The following TAF3 variants were observed in gnomAD, a reference collection of about 807,000 sequenced individuals.
TAF3 encodes TATA-box binding protein associated factor 3.
In TAF3, 7 loss-of-function variants were observed where a neutral mutation model predicts 80.6. The observed-to-expected ratio is 0.09, with a 90% confidence interval of 0.05 to 0.16. The LOEUF (loss-of-function observed/expected upper bound fraction) is 0.16, where lower values mean the gene tolerates loss of function less well. Ranked by LOEUF, TAF3 falls within the 10% of genes least tolerant of loss-of-function variation. TAF3 has a pLI of 1.00. For synonymous variants in TAF3, 444 were observed against 446.1 expected (o/e 1.00, Z 0.06); for missense variants, 921 against 1,140.2 (o/e 0.81, Z 2.77).
At chr10:7,899,714 TATATG>T (rs2131170164) in intron 2 of TAF3, among the ~76,000 whole-genome samples, 1 of 152,346 alleles carries the variant, frequency 6.6e-6, no homozygotes, top group South Asian at 2.1e-4. Context: ...ATGATTTATG[TATATG>T]ATAGACTATT....
intron 2 of TAF3, among the ~76,000 whole-genome samples, chr10:7,955,464 C>T (rs944857571): frequency 1.3e-5 from 2 of 152,078 alleles, no homozygotes; most frequent in Non-Finnish European, 2.9e-5. Flanking sequence ...TTTTGTTGTT[C>T]CTTTGCTTAA....
intron 2 of TAF3, among the ~76,000 whole-genome samples, chr10:7,952,004 C>G (rs575018426): frequency 2.0e-5 from 3 of 152,282 alleles, no homozygotes; most frequent in Admixed American, 2.0e-4. Context: ...TTAGTTTCAT[C>G]CCTACAGAAC....
intron 2 of TAF3, among the ~76,000 whole-genome samples, chr10:7,894,478 T>C (rs375031460): frequency 2.0e-5 from 3 of 152,240 alleles, no homozygotes; most frequent in Non-Finnish European, 4.4e-5. Flanking sequence ...TGTAGTGTGA[T>C]GCGTCAGTGA....
At chr10:7,958,700 G>A (rs1588566239) in intron 2 of TAF3, among the ~76,000 whole-genome samples, 1 of 152,196 alleles carries the variant, frequency 6.6e-6, no homozygotes, top group African/African-American at 2.4e-5. Context: ...TGAAGCAGGC[G>A]ATGGCCTCGC....
chr10:7,911,131 C>G (rs1837653389), intron 2 of TAF3, among the ~76,000 whole-genome samples: 1 of 152,144 alleles, frequency 6.6e-6, no homozygotes. Flanking sequence ...CTATCTAGAT[C>G]TTTTAAAGAA....
intron 4 of TAF3, among the ~76,000 whole-genome samples, chr10:8,001,774 A>G (rs903520895): frequency 1.3e-5 from 2 of 152,114 alleles, no homozygotes; most frequent in African/African-American, 4.8e-5. Flanking sequence ...ATTTTGAGGG[A>G]TTTTTTTAAT....
intron 2 of TAF3, among the ~76,000 whole-genome samples, chr10:7,849,920 G>T (rs185273930): frequency 1.3e-5 from 2 of 152,090 alleles, no homozygotes; most frequent in Non-Finnish European, 2.9e-5. Context: ...AGCTCGGGCA[G>T]TCTACTCACC....
In TAF3 at chr10:8,009,065, CT is replaced by C. The variant is rs1382914528; in HGVS notation, c.2316-9del. The C allele has an allele frequency of 1.3e-6, 2 of 1,595,898 alleles. No homozygotes were observed. The highest frequency in any genetic ancestry group is 8.5e-7 in the Non-Finnish European group (1 of 1,171,620). On this transcript the variant is annotated splice_polypyrimidine_tract_variant and intron_variant, in intron 4 of 6. Transcript: ENST00000344293. The surrounding 1 kb of genome is among the most constrained non-coding windows in gnomAD (Gnocchi z 4.1). ...CCTGTTTTGACTTTTACCTTCTCTT[CT>C]TTTGTTGACAGTGTCATCAGCAAGG...
chr10:7,863,710 TATATATATACAC>T (rs1230133067), intron 2 of TAF3, among the ~76,000 whole-genome samples: 3 of 105,582 alleles, frequency 2.8e-5, no homozygotes, highest in Admixed American at 1.2e-4. Context: ...TATATACACA[TATATATATACAC>T]ATATATATAT....
At chr10:7,827,399 G>T (rs1836752540) in intron 2 of TAF3, among the ~76,000 whole-genome samples, 2 of 152,080 alleles carry the variant, frequency 1.3e-5, no homozygotes, top group Non-Finnish European at 2.9e-5. Flanking sequence ...GGCCAGGTGT[G>T]ATGGCTTATG....
chr10:7,966,104 T>C (rs35136024), intron 3 of TAF3, among the ~76,000 whole-genome samples: 7,952 of 152,266 alleles, frequency 0.052, 262 homozygotes, highest in Middle Eastern at 0.088. Context: ...TTTGCACCCA[T>C]ATATTGAGAA....
chr10:7,863,626 A>AAAAAAATAT lies in TAF3; in HGVS notation c.409+39067_409+39068insAAAAATATA, dbSNP rs1218836662. Among the ~76,000 whole-genome samples the AAAAAAATAT allele has an allele frequency of 1.5e-4, 7 of 48,098 alleles. 1 individual carries two copies. The highest frequency in any genetic ancestry group is 1.5e-4 in the African/African-American group (2 of 12,912). 31.6% of individuals were successfully genotyped at this position (48,098 alleles called of 152,430 possible). A position where few individuals can be genotyped will look rare whatever the true frequency, so the allele number is the denominator to read the frequency against. On this transcript the variant is annotated intron_variant, in intron 2 of 6. Transcript: ENST00000344293. ...CTCTGTCTAAAAAAAAAAAAAAAAA[A>AAAAAAATAT]ATATATATATATATATATATACACA... is the stretch of plus-strand genomic sequence containing the variant.
At chr10:7,927,324 C>T (rs1286996683) in intron 2 of TAF3, among the ~76,000 whole-genome samples, 3 of 152,190 alleles carry the variant, frequency 2.0e-5, no homozygotes, top group Non-Finnish European at 4.4e-5. Flanking sequence ...CCTTTTTCTA[C>T]GTGTTTTTCT....
rs74407628 is a variant in TAF3 at position 7,986,123 on chromosome 10, T to C, written c.2315+8800T>C. Among the ~76,000 whole-genome samples the C allele has an allele frequency of 1.1e-4, 17 of 152,276 alleles. No individual in the cohort carries two copies. In the East Asian group the frequency reaches 3.3e-3, roughly 29 times the overall value. ...ACCATGGATTCCTTTTGTTTTTCTT[T>C]TATGGACTTATTTTTTTTCCCCCTT... On this transcript the variant is annotated intron_variant, in intron 4 of 6. Transcript: ENST00000344293.
intron 2 of TAF3, among the ~76,000 whole-genome samples, chr10:7,917,366 C>G (rs1837721057): frequency 6.6e-6 from 1 of 152,122 alleles, no homozygotes; most frequent in Admixed American, 6.5e-5. Context: ...CGAGGAACAG[C>G]AAGTATAGAT....
At position 8,012,110 on chromosome 10, in the gene TAF3, C is replaced by A. The variant is rs1588351138; in HGVS notation, c.2569-1621C>A. On this transcript the variant is annotated intron_variant, in intron 5 of 6. Coordinates refer to ENST00000344293, the MANE Select transcript of TAF3 (RefSeq NM_031923.4). ...GAAGATCACCTGAGCCTACCGAGGT[C>A]AAGGCTACAGTGAGCCATGATCACA... Among the ~76,000 whole-genome samples the A allele has an allele frequency of 2.6e-5, 4 of 152,180 alleles. No individual in the cohort carries two copies. In the East Asian group the frequency reaches 7.7e-4, roughly 29 times the overall value.
At chr10:7,859,839 T>C (rs999764649) in intron 2 of TAF3, among the ~76,000 whole-genome samples, 2 of 152,220 alleles carry the variant, frequency 1.3e-5, no homozygotes, top group African/African-American at 2.4e-5. Context: ...ACTTAGTAAA[T>C]GTTGGACAAA....
intron 2 of TAF3, among the ~76,000 whole-genome samples, chr10:7,869,673 G>A (rs1837246948): frequency 1.3e-5 from 2 of 152,150 alleles, no homozygotes; most frequent in South Asian, 4.1e-4. Flanking sequence ...ACCTTTTTAA[G>A]CTTTTGATAC....
At chr10:7,892,407 T>A (rs1024480782) in intron 2 of TAF3, among the ~76,000 whole-genome samples, 2 of 152,234 alleles carry the variant, frequency 1.3e-5, no homozygotes, top group African/African-American at 4.8e-5. Flanking sequence ...AATGTACTTT[T>A]CTTTGTTCTA....
Sources: allele counts gnomAD v4.1 joint callset (sites outside exome capture counted in the v4.1 genomes callset), GRCh38; gene constraint gnomAD v4.1.1; non-coding constraint Gnocchi (gnomAD v3.1); transcripts MANE v1.5; gene names NCBI Gene and HGNC (gene_info 2026-07-23, HGNC 2026-07-21).